C10orf90: variants seen among roughly 807,000 people sequenced by gnomAD.
C10orf90 encodes (E2-independent) E3 ubiquitin-conjugating enzyme FATS.
C10orf90 carries 56 observed loss-of-function variants against 62.5 expected under a neutral mutation model. The ratio of observed to expected loss-of-function variants is 0.90; its 90% CI spans 0.72 to 1.12. The LOEUF (loss-of-function observed/expected upper bound fraction) is 1.12. Ranked by LOEUF, C10orf90 falls within the 50% of genes most tolerant of loss-of-function variation. The pLI, the probability that C10orf90 is intolerant of heterozygous loss-of-function variation, is 0.00. For synonymous variants in C10orf90, 386 were observed against 340.4 expected (o/e 1.13, Z -1.47); for missense variants, 970 against 880.4 (o/e 1.10, Z -1.29).
chr10:126,495,045 A>G (rs936778296), intron 4 of C10orf90, among the ~76,000 whole-genome samples: 1 of 152,230 alleles, frequency 6.6e-6, no homozygotes, highest in South Asian at 2.1e-4. Context: ...TCATGTTGCT[A>G]TCAGATGTTC....
rs919023333 is a variant in C10orf90 at position 126,502,968 on chromosome 10, C to T, written c.1534+989G>A. ...AATTACATCATTTAACATTTCTATA[C>T]ACATTATAACTTTAAATGTTTTACA... On this transcript the variant is annotated intron_variant, in intron 4 of 9. Transcript: ENST00000488181. The T allele has an allele frequency of 2.9e-5, 7 of 242,486 alleles. No homozygotes were observed. The East Asian group carries it at 9.0e-4, about 31-fold the overall frequency. The allele number at this position is 242,486 out of a possible 1,614,324, so 15.0% of individuals were successfully genotyped here.
chr10:126,553,365 ATAG>A (rs1307249598), intron 2 of C10orf90, among the ~76,000 whole-genome samples: 1 of 152,196 alleles, frequency 6.6e-6, no homozygotes, highest in African/African-American at 2.4e-5. Flanking sequence ...ATAAGAGAGT[ATAG>A]CTAGTGACAA....
intron 7 of C10orf90, among the ~76,000 whole-genome samples, chr10:126,457,842 C>T (rs895528331): frequency 6.6e-6 from 1 of 152,178 alleles, no homozygotes; most frequent in Non-Finnish European, 1.5e-5. Context: ...AAAAAGCTTC[C>T]TGGAAACTAT....
chr10:126,431,228 A>G (rs1857551787), intron 7 of C10orf90, among the ~76,000 whole-genome samples: 1 of 152,230 alleles, frequency 6.6e-6, no homozygotes, highest in African/African-American at 2.4e-5. Flanking sequence ...ATGCCTTTGA[A>G]TGCTTCTTTT....
intron 2 of C10orf90, among the ~76,000 whole-genome samples, chr10:126,590,101 G>A (rs564660203): frequency 6.6e-6 from 1 of 152,150 alleles, no homozygotes; most frequent in African/African-American, 2.4e-5. Context: ...ACAAACAAGG[G>A]CGTTACATAA....
rs74994333 is a variant in C10orf90, at chr10:126,472,604, T to A, written c.1535-7618A>T. ...CTAGCAGTTTCAGCAGGCTTTCATG[T>A]CTCCTCCCATTCTTGCTTTCCTGGG... On this transcript the variant is annotated intron_variant, in intron 4 of 9. Transcript: ENST00000488181. 3.3e-3 allele frequency among the ~76,000 whole-genome samples: 500 copies of A among 152,096 alleles called. 6 individuals carry two copies. In the East Asian group the frequency reaches 0.048, roughly 15 times the overall value.
chr10:126,547,590 A>G, intron 2 of C10orf90, among the ~76,000 whole-genome samples: 1 of 152,016 alleles, frequency 6.6e-6, no homozygotes. Context: ...TATGATAAAA[A>G]TGCTTCGACA....
chr10:126,555,339 G>A (rs529564908), intron 2 of C10orf90, among the ~76,000 whole-genome samples: 5 of 152,234 alleles, frequency 3.3e-5, no homozygotes, highest in South Asian at 4.1e-4. Flanking sequence ...GAAACTGGAA[G>A]AGGTTGATAT....
intron 2 of C10orf90, among the ~76,000 whole-genome samples, chr10:126,551,856 T>C (rs1864640831): frequency 6.6e-6 from 1 of 152,230 alleles, no homozygotes; most frequent in Non-Finnish European, 1.5e-5. Flanking sequence ...TGTGTCCGTT[T>C]GTTGGTAAAA....
chr10:126,476,908 C>CTTTT lies in C10orf90; in HGVS notation c.1535-11926_1535-11923dup, dbSNP rs10590718. Among the ~76,000 whole-genome samples, 170 of 120,758 alleles carry CTTTT rather than the reference C, an allele frequency of 1.4e-3. 1 individual carries two copies. The highest frequency in any genetic ancestry group is 4.6e-3 in the African/African-American group (142 of 30,772). The allele number at this position is 120,758 out of a possible 152,430, so 79.2% of individuals were successfully genotyped here. On this transcript the variant is annotated intron_variant, in intron 4 of 9. Transcript: ENST00000488181. ...GGAAAATCAATGTATCACCATTTTC[C>CTTTT]TTTTTTTTTTTTTTTTTTTGAGGGG... is the stretch of plus-strand genomic sequence containing the variant.
chr10:126,565,774 A>G (rs2133997302), intron 2 of C10orf90, among the ~76,000 whole-genome samples: 1 of 152,230 alleles, frequency 6.6e-6, no homozygotes, highest in Admixed American at 6.5e-5. Context: ...CCCAGTGGCC[A>G]CATTCCTCTC....
chr10:126,568,735 GC>G (rs1244061767), intron 2 of C10orf90, among the ~76,000 whole-genome samples: 2 of 152,158 alleles, frequency 1.3e-5, no homozygotes, highest in Non-Finnish European at 2.9e-5. Context: ...AGACAGAGGT[GC>G]TTTAGGAGGC....
intron 2 of C10orf90, among the ~76,000 whole-genome samples, chr10:126,633,808 C>G (rs1845897423): frequency 6.6e-6 from 1 of 152,176 alleles, no homozygotes; most frequent in African/African-American, 2.4e-5. Context: ...CATGGACACA[C>G]CTGTAAGCAT....
chr10:126,565,125 T>TA (rs1844318081), intron 2 of C10orf90, among the ~76,000 whole-genome samples: 5 of 38,630 alleles, frequency 1.3e-4, no homozygotes, highest in African/African-American at 2.5e-4. Flanking sequence ...TTATATAATA[T>TA]ATAATATAAA....
chr10:126,518,562 A>G (rs1863566454), intron 2 of C10orf90, among the ~76,000 whole-genome samples: 1 of 152,206 alleles, frequency 6.6e-6, no homozygotes, highest in Non-Finnish European at 1.5e-5. Flanking sequence ...AAAAAAAACA[A>G]ACATCATGAG....
chr10:126,621,364 C>T (rs1845640724), intron 2 of C10orf90, among the ~76,000 whole-genome samples: 1 of 152,172 alleles, frequency 6.6e-6, no homozygotes, highest in Non-Finnish European at 1.5e-5. Context: ...TTTTTCTTAT[C>T]AATTTGTATG....
At chr10:126,455,633 G>A (rs149078495) in intron 7 of C10orf90, among the ~76,000 whole-genome samples, 19 of 152,314 alleles carry the variant, frequency 1.2e-4, no homozygotes, top group Admixed American at 5.2e-4. Context: ...AGAGACTTAC[G>A]CATTGTATTT....
chr10:126,624,277 T>A (rs917396346), intron 2 of C10orf90, among the ~76,000 whole-genome samples: 2 of 151,344 alleles, frequency 1.3e-5, no homozygotes, highest in African/African-American at 4.9e-5. Flanking sequence ...ACCCAGGAGG[T>A]GGAGGTTGCA....
intron 2 of C10orf90, among the ~76,000 whole-genome samples, chr10:126,552,633 G>A (rs139763244): frequency 4.7e-4 from 71 of 152,342 alleles, no homozygotes; most frequent in South Asian, 1.0e-3. Flanking sequence ...CAGCCCGATC[G>A]TGTGGCTCAG....
Sources: gnomAD v4.1 joint callset for allele counts (sites outside exome capture counted in the v4.1 genomes callset) on GRCh38, gnomAD v4.1.1 for gene constraint, MANE v1.5 for transcripts, NCBI Gene and HGNC (gene_info 2026-07-23, HGNC 2026-07-21) for gene names.